Variants in AJAP1 observed in about 807,000 individuals in gnomAD.
AJAP1 encodes the protein adherens junction-associated protein 1.
A neutral mutation model predicts 35.0 loss-of-function variants in AJAP1; 5 were observed. The ratio of observed to expected loss-of-function variants is 0.14; its 90% CI spans 0.07 to 0.30. The LOEUF (loss-of-function observed/expected upper bound fraction) is 0.30, where lower values mean the gene tolerates loss of function less well. Among genes scored for constraint, AJAP1 ranks in the 10% least tolerant of loss-of-function variants. The pLI is 1.00. For synonymous variants in AJAP1, 284 were observed against 249.3 expected (o/e 1.14, Z -1.31); for missense variants, 586 against 571.0 (o/e 1.03, Z -0.27).
In AJAP1 at chr1:4,708,188, G is replaced by A. The variant is rs149715096; in HGVS notation, c.30-3712G>A. ...TCACCATGTTGTGCAGGATGGTCTC[G>A]ATCCCTTGACCTCGTGATCCTCCCA... On this transcript the variant is annotated intron_variant, in intron 1 of 5. Coordinates refer to ENST00000378191, the MANE Select transcript of AJAP1 (RefSeq NM_018836.4). Among the ~76,000 whole-genome samples, 121 of 151,966 alleles carry A rather than the reference G, an allele frequency of 8.0e-4. 2 individuals carry two copies. In the East Asian group the frequency reaches 0.017, roughly 21 times the overall value.
intron 2 of AJAP1, among the ~76,000 whole-genome samples, chr1:4,763,191 A>C (rs948738495): frequency 2.0e-5 from 3 of 152,182 alleles, no homozygotes; most frequent in African/African-American, 7.2e-5. Context: ...TCCCACCCAC[A>C]GCTGTGACCA....
intron 1 of AJAP1, among the ~76,000 whole-genome samples, chr1:4,677,400 G>A (rs1639385252): frequency 6.6e-6 from 1 of 152,126 alleles, no homozygotes; most frequent in Admixed American, 6.5e-5. Flanking sequence ...GCTGCCCTGT[G>A]TGTACAGCTG....
At chr1:4,691,510 C>G (rs1287829848) in intron 1 of AJAP1, among the ~76,000 whole-genome samples, 1 of 152,138 alleles carries the variant, frequency 6.6e-6, no homozygotes, top group African/African-American at 2.4e-5. Flanking sequence ...TGTGCTAGGC[C>G]CGGGAGTGGC....
chr1:4,737,333 C>G (rs1640949144), intron 2 of AJAP1, among the ~76,000 whole-genome samples: 1 of 152,180 alleles, frequency 6.6e-6, no homozygotes. Context: ...CCACCCACCC[C>G]TCGGCCCCTC....
rs1310859470 is a variant in AJAP1 at position 4,791,078 on chromosome 1, T to G, written c.*8593T>G. The stretch of plus-strand genomic sequence containing the variant: ...CACCCTCCAGCTAAAATGATTTAAA[T>G]GGAAAGGAGAATGACAGCAAAGCCT... On this transcript the variant is annotated 3_prime_UTR_variant, in exon 6 of 6. Coordinates refer to ENST00000378191, the MANE Select transcript of AJAP1 (RefSeq NM_018836.4). The G allele has an allele frequency of 3.3e-5, 5 of 151,226 alleles. No individual in the cohort carries two copies. Among genetic ancestry groups the G allele is most frequent in the African/African-American group, 4.9e-5 (2 of 40,660 alleles). The allele number at this position is 151,226 out of a possible 1,614,324, so 9.4% of individuals were successfully genotyped here.
rs894394809 is a variant in AJAP1, at chr1:4,692,555, C to T, written c.30-19345C>T. Among the ~76,000 whole-genome samples the T allele has an allele frequency of 2.0e-5, 3 of 152,230 alleles. No individual in the cohort carries two copies. Among genetic ancestry groups the T allele is most frequent in the African/African-American group, 7.2e-5 (3 of 41,460 alleles). Reference sequence around the variant, plus strand: ...AAAGAGAAAAATAGCTCAGCCCCAGCCTGGCCTCCGCAGGCCTCCTGACCA... The same window carrying T: ...AAAGAGAAAAATAGCTCAGCCCCAGTCTGGCCTCCGCAGGCCTCCTGACCA... On this transcript the variant is annotated intron_variant, in intron 1 of 5. Transcript: ENST00000378191. This position sits in a 1 kb window ranked among gnomAD's most constrained non-coding sequence, Gnocchi z 4.4.
chr1:4,722,834 G>C (rs1156301019), intron 2 of AJAP1, among the ~76,000 whole-genome samples: 1 of 152,236 alleles, frequency 6.6e-6, no homozygotes, highest in East Asian at 1.9e-4. Flanking sequence ...GGCCCAGTGT[G>C]CTGGGAAAGG....
intron 2 of AJAP1, among the ~76,000 whole-genome samples, chr1:4,765,612 A>G (rs1054695313): frequency 2.0e-5 from 3 of 152,194 alleles, no homozygotes; most frequent in African/African-American, 4.8e-5. Context: ...TCTCTACACA[A>G]TGATTCCATA....
At chr1:4,666,478 G>A (rs1167643597) in intron 1 of AJAP1, among the ~76,000 whole-genome samples, 2 of 152,216 alleles carry the variant, frequency 1.3e-5, no homozygotes, top group Admixed American at 6.5e-5. Flanking sequence ...TGGGGAGTGA[G>A]GGGTGCAGAG....
intron 2 of AJAP1, among the ~76,000 whole-genome samples, chr1:4,760,836 C>T (rs989824327): frequency 1.3e-5 from 2 of 152,264 alleles, no homozygotes; most frequent in African/African-American, 4.8e-5. Flanking sequence ...GGCTGCCCAT[C>T]TGTGCCCCCC....
chr1:4,705,605 G>A (rs1254433698), intron 1 of AJAP1, among the ~76,000 whole-genome samples: 1 of 151,148 alleles, frequency 6.6e-6, no homozygotes, highest in Non-Finnish European at 1.5e-5. Flanking sequence ...GGTGCCCTGG[G>A]TACCCTGTAT....
intron 1 of AJAP1, among the ~76,000 whole-genome samples, chr1:4,664,088 T>C (rs1250541931): frequency 6.6e-6 from 1 of 152,126 alleles, no homozygotes; most frequent in Admixed American, 6.5e-5. Flanking sequence ...TAGGAGCACT[T>C]TAAGGATCTC....
Position 4,676,170 on chromosome 1 carries a change from C to T in AJAP1, c.29+20716C>T, listed in dbSNP as rs532217299. On this transcript the variant is annotated intron_variant, in intron 1 of 5. Transcript: ENST00000378191. ...CACTGCTGCAGAGGCCAGTGTGCAC[C>T]GGCCTTGCCTCCTCGTGTCATTTTT... Among the ~76,000 whole-genome samples the T allele has an allele frequency of 2.7e-4, 41 of 152,284 alleles. No individual in the cohort carries two copies. The South Asian group carries it at 7.9e-3, about 29-fold the overall frequency.
At chr1:4,701,583 C>A (rs1231152996) in intron 1 of AJAP1, among the ~76,000 whole-genome samples, 37 of 152,158 alleles carry the variant, frequency 2.4e-4, no homozygotes, top group Non-Finnish European at 1.5e-5. Flanking sequence ...GTGGTGGAGT[C>A]TGTCTACACT....
chr1:4,676,277 C>CA (rs1305008065), intron 1 of AJAP1, among the ~76,000 whole-genome samples: 5 of 151,942 alleles, frequency 3.3e-5, no homozygotes, highest in Non-Finnish European at 7.4e-5. Context: ...TAACCAGTTC[C>CA]AAAAAAAGAT....
At chr1:4,704,160 T>G (rs1435020207) in intron 1 of AJAP1, among the ~76,000 whole-genome samples, 1 of 151,732 alleles carries the variant, frequency 6.6e-6, no homozygotes, top group East Asian at 1.9e-4. Flanking sequence ...CGGGGAAGTT[T>G]TTTTTTTTTT....
chr1:4,680,809 T>A (rs904743205), intron 1 of AJAP1, among the ~76,000 whole-genome samples: 1 of 152,218 alleles, frequency 6.6e-6, no homozygotes, highest in African/African-American at 2.4e-5. Context: ...CTACTTATGA[T>A]CTTTGATTCC....
intron 2 of AJAP1, among the ~76,000 whole-genome samples, chr1:4,730,917 AAAGT>A (rs1640782273): frequency 3.3e-5 from 5 of 152,076 alleles, no homozygotes; most frequent in Admixed American, 3.3e-4. Flanking sequence ...CCCTAATCAC[AAAGT>A]ATGTCCCTGA....
chr1:4,707,592 T>C (rs1640127116), intron 1 of AJAP1, among the ~76,000 whole-genome samples: 1 of 152,190 alleles, frequency 6.6e-6, no homozygotes, highest in Non-Finnish European at 1.5e-5. Context: ...CAAGTAATCC[T>C]GCCTTCCTTT....
Sources: allele counts gnomAD v4.1 joint callset (sites outside exome capture counted in the v4.1 genomes callset), GRCh38; gene constraint gnomAD v4.1.1; non-coding constraint Gnocchi (gnomAD v3.1); transcripts MANE v1.5; gene names NCBI Gene and HGNC (gene_info 2026-07-23, HGNC 2026-07-21).